The following AKAP6 variants were observed in gnomAD, a reference collection of about 807,000 sequenced individuals.
The protein encoded by AKAP6 is A-kinase anchoring protein 6.
In AKAP6, 58 loss-of-function variants were observed where a neutral mutation model predicts 188.5. That is an observed-to-expected ratio of 0.31 (90% CI 0.25 to 0.38). The LOEUF (loss-of-function observed/expected upper bound fraction) is 0.38, where lower values mean the gene tolerates loss of function less well. Ranked by LOEUF, AKAP6 falls within the 10% of genes least tolerant of loss-of-function variation. The probability of loss-of-function intolerance (pLI) is 1.00; values close to 1 mark genes in which losing one functional copy is unlikely to be tolerated. For synonymous variants in AKAP6, 989 were observed against 998.6 expected (o/e 0.99, Z 0.18); for missense variants, 2,710 against 2,740.0 (o/e 0.99, Z 0.24).
intron 4 of AKAP6, among the ~76,000 whole-genome samples, chr14:32,576,869 T>C (rs1447396819): frequency 6.6e-6 from 1 of 152,104 alleles, no homozygotes; most frequent in Non-Finnish European, 1.5e-5. Context: ...CCAATCCAAA[T>C]TCCTCAGAAA....
chr14:32,710,608 C>G (rs10146478), intron 9 of AKAP6, among the ~76,000 whole-genome samples: 114,852 of 151,824 alleles, frequency 0.76, 43,519 homozygotes, highest in South Asian at 0.78. Flanking sequence ...CAATCACAGA[C>G]GAAAAAAAAC....
chr14:32,817,767 A>G (rs2034424150), intron 12 of AKAP6, among the ~76,000 whole-genome samples: 1 of 152,184 alleles, frequency 6.6e-6, no homozygotes, highest in South Asian at 2.1e-4. Flanking sequence ...AAAAAGTACC[A>G]AATAGCTCCT....
chr14:32,474,090 G>T (rs928703205), intron 2 of AKAP6: 3 of 152,142 alleles, frequency 2.0e-5, no homozygotes, highest in Non-Finnish European at 2.9e-5. Context: ...TAGAAACGGG[G>T]TTTCACTATG....
At chr14:32,663,470 G>T (rs770663425) in intron 7 of AKAP6, among the ~76,000 whole-genome samples, 2 of 152,026 alleles carry the variant, frequency 1.3e-5, no homozygotes, top group African/African-American at 4.8e-5. Context: ...TAGGACAGAG[G>T]AGTCCTGTGT....
At chr14:32,344,700 G>T (rs927129222) in intron 1 of AKAP6, among the ~76,000 whole-genome samples, 4 of 152,168 alleles carry the variant, frequency 2.6e-5, no homozygotes, top group Admixed American at 6.5e-5. Context: ...CAGATCACTT[G>T]AAGTCAGGAG....
intron 7 of AKAP6, among the ~76,000 whole-genome samples, chr14:32,666,813 G>GTGATTTACAAA (rs1352874838): frequency 1.3e-5 from 2 of 151,716 alleles, no homozygotes; most frequent in African/African-American, 4.8e-5. Flanking sequence ...AATCACTATG[G>GTGATTTACAAA]AATTATTTTG....
At chr14:32,354,395 A>G (rs1405693916) in intron 1 of AKAP6, among the ~76,000 whole-genome samples, 3 of 151,004 alleles carry the variant, frequency 2.0e-5, no homozygotes, top group Non-Finnish European at 4.4e-5. Context: ...AAATCTTGCT[A>G]CCCCATTCTG....
Position 32,548,711 on chromosome 14 carries a change from C to T in AKAP6, c.2346+1712C>T, listed in dbSNP as rs117510388. ...AGACCTTTTGTGTAGGAAGCTGAGA[C>T]GCAAACTCACGTCTTCTGATTCTTA... On this transcript the variant is annotated intron_variant, in intron 4 of 13. Coordinates refer to ENST00000280979, the MANE Select transcript of AKAP6 (RefSeq NM_004274.5). Among the ~76,000 whole-genome samples, 745 of 152,220 alleles carry T rather than the reference C, an allele frequency of 4.9e-3. 5 individuals carry two copies. The highest frequency in any genetic ancestry group is 0.013 in the East Asian group (68 of 5,172).
At chr14:32,631,114 A>G (rs531087840) in intron 7 of AKAP6, among the ~76,000 whole-genome samples, 1 of 152,170 alleles carries the variant, frequency 6.6e-6, no homozygotes, top group African/African-American at 2.4e-5. Context: ...TTTTCCACAA[A>G]TAACATTTTG....
intron 12 of AKAP6, among the ~76,000 whole-genome samples, chr14:32,799,274 A>AT (rs2033867074): frequency 6.6e-6 from 1 of 151,918 alleles, no homozygotes; most frequent in Non-Finnish European, 1.5e-5. Context: ...GATATAGTTG[A>AT]TTTTCTCTGC....
At chr14:32,624,856 T>G (rs1423496088) in intron 7 of AKAP6, among the ~76,000 whole-genome samples, 1 of 152,014 alleles carries the variant, frequency 6.6e-6, no homozygotes, top group Non-Finnish European at 1.5e-5. Flanking sequence ...GTCCTAATAA[T>G]TTTTTTGAAA....
In AKAP6 at chr14:32,820,277, C is replaced by T. The variant is rs74041710; in HGVS notation, c.3589-1125C>T. On this transcript the variant is annotated intron_variant, in intron 12 of 13. Coordinates refer to ENST00000280979, the MANE Select transcript of AKAP6 (RefSeq NM_004274.5). ...CTGTAGGTGAGCCCATCAAGTTCTGCACTATGTATATATATATATAATCTT... is the reference window on the plus strand; with the variant it reads ...CTGTAGGTGAGCCCATCAAGTTCTGTACTATGTATATATATATATAATCTT... Among the ~76,000 whole-genome samples, 196 of 152,032 alleles carry T rather than the reference C, an allele frequency of 1.3e-3. 1 individual carries two copies. The highest frequency in any genetic ancestry group is 4.5e-3 in the African/African-American group (186 of 41,438).
intron 1 of AKAP6, among the ~76,000 whole-genome samples, chr14:32,342,047 G>A (rs1886906302): frequency 1.3e-5 from 2 of 152,040 alleles, no homozygotes; most frequent in African/African-American, 4.8e-5. Context: ...ACTCTCTTGA[G>A]TCCATGAGTC....
chr14:32,588,706 AG>A (rs1202027210), intron 5 of AKAP6, among the ~76,000 whole-genome samples: 4 of 152,212 alleles, frequency 2.6e-5, no homozygotes, highest in Non-Finnish European at 4.4e-5. Flanking sequence ...GTATCCGTGA[AG>A]GGTTTGAAAA....
chr14:32,768,758 C>A (rs1007469697), intron 11 of AKAP6, among the ~76,000 whole-genome samples: 1 of 151,954 alleles, frequency 6.6e-6, no homozygotes, highest in African/African-American at 2.4e-5. Context: ...TGTTCTCAAA[C>A]TTTAGCATGT....
intron 2 of AKAP6, among the ~76,000 whole-genome samples, chr14:32,475,724 G>A (rs946338395): frequency 6.7e-6 from 1 of 149,326 alleles, no homozygotes; most frequent in African/African-American, 2.5e-5. Flanking sequence ...TGTCACCCAG[G>A]CTGGAGTGCA....
At chr14:32,587,439 AT>A (rs1295715637) in intron 5 of AKAP6, among the ~76,000 whole-genome samples, 10 of 152,174 alleles carry the variant, frequency 6.6e-5, no homozygotes, top group African/African-American at 2.4e-4. Flanking sequence ...GCACGTTTGG[AT>A]TCCAGTTCTG....
At chr14:32,600,066 G>A (rs1280990276) in intron 6 of AKAP6, among the ~76,000 whole-genome samples, 1 of 152,094 alleles carries the variant, frequency 6.6e-6, no homozygotes, top group Admixed American at 6.6e-5. Flanking sequence ...TTGTCATTTG[G>A]TTATACTTAT....
intron 2 of AKAP6, among the ~76,000 whole-genome samples, chr14:32,499,091 C>T (rs940139833): frequency 6.6e-6 from 1 of 151,870 alleles, no homozygotes; most frequent in Non-Finnish European, 1.5e-5. Context: ...ATATTTGCCC[C>T]TGGTACCATG....
Sources: gnomAD v4.1 joint callset for allele counts (sites outside exome capture counted in the v4.1 genomes callset) on GRCh38, gnomAD v4.1.1 for gene constraint, MANE v1.5 for transcripts, NCBI Gene and HGNC (gene_info 2026-07-23, HGNC 2026-07-21) for gene names.